Variants in PPFIBP1 observed in about 807,000 individuals in gnomAD.
The protein encoded by PPFIBP1 is liprin-beta-1.
A neutral mutation model predicts 137.8 loss-of-function variants in PPFIBP1; 112 were observed. The ratio of observed to expected loss-of-function variants is 0.81; its 90% CI spans 0.70 to 0.95. PPFIBP1 has a LOEUF of 0.95. PPFIBP1 is among the 40% of genes least tolerant of loss of function. The pLI is 0.00. For missense variants in PPFIBP1, 1,083 were observed against 1,196.6 expected, an observed-to-expected ratio of 0.91 and a Z score of 1.40; for synonymous variants, 378 against 417.3, an observed-to-expected ratio of 0.91 and a Z score of 1.15.
At chr12:27,558,638 C>T (rs997911660) in intron 1 of PPFIBP1, among the ~76,000 whole-genome samples, 7 of 151,932 alleles carry the variant, frequency 4.6e-5, no homozygotes, top group African/African-American at 7.3e-5. Flanking sequence ...CATACACACA[C>T]GCTGCCTAGA....
chr12:27,692,356 C>T (rs866022243), intron 28 of PPFIBP1, among the ~76,000 whole-genome samples: 14 of 152,300 alleles, frequency 9.2e-5, no homozygotes, highest in Middle Eastern at 3.4e-3. Flanking sequence ...CTCTAATCAA[C>T]AATGCTTTGC....
intron 9 of PPFIBP1, among the ~76,000 whole-genome samples, chr12:27,657,393 A>C (rs1220662133): frequency 6.6e-6 from 1 of 151,870 alleles, no homozygotes; most frequent in South Asian, 2.1e-4. Flanking sequence ...TATAATGTGC[A>C]TAATATCTGA....
intron 2 of PPFIBP1, among the ~76,000 whole-genome samples, chr12:27,628,719 C>A (rs1036536044): frequency 2.0e-5 from 3 of 152,084 alleles, no homozygotes; most frequent in African/African-American, 7.2e-5. Flanking sequence ...TTATTTAGTT[C>A]TTTTTTAAAG....
In PPFIBP1 at chr12:27,603,974, G is replaced by A. The variant is rs573259661; in HGVS notation, c.-36+25735G>A. Among the ~76,000 whole-genome samples the A allele has an allele frequency of 3.3e-5, 5 of 152,288 alleles. No homozygotes were observed. In the East Asian group the frequency reaches 9.6e-4, roughly 29 times the overall value. ...TACTTACATCAGAGGAAACAAGAAAGTACAGATCAAAGAGCAGAGTTGGCA... is the reference window on the plus strand; with the variant it reads ...TACTTACATCAGAGGAAACAAGAAAATACAGATCAAAGAGCAGAGTTGGCA... On this transcript the variant is annotated intron_variant, in intron 2 of 29. Coordinates refer to ENST00000228425, the MANE Select transcript of PPFIBP1 (RefSeq NM_003622.4).
chr12:27,551,579 A>T (rs907013348), intron 1 of PPFIBP1, among the ~76,000 whole-genome samples: 1 of 106,244 alleles, frequency 9.4e-6, no homozygotes, highest in African/African-American at 2.8e-5. Flanking sequence ...TTGATGTTCC[A>T]TTGTGTAATG....
At chr12:27,587,359 C>T (rs1454002382) in intron 2 of PPFIBP1, among the ~76,000 whole-genome samples, 1 of 152,016 alleles carries the variant, frequency 6.6e-6, no homozygotes, top group East Asian at 1.9e-4. Context: ...CAGTGGCTCA[C>T]GTCTGTAATC....
intron 1 of PPFIBP1, among the ~76,000 whole-genome samples, chr12:27,563,174 G>T (rs1349694390): frequency 6.8e-6 from 1 of 146,980 alleles, no homozygotes; most frequent in East Asian, 2.1e-4. Context: ...AGGTGTGGTG[G>T]CTCACACCTT....
rs73294067 is a variant in PPFIBP1, at chr12:27,646,075, T to C, written c.284T>C (p.Leu95Pro). 7 of 1,607,970 alleles carry C rather than the reference T, an allele frequency of 4.4e-6. No individual in the cohort carries two copies. Among genetic ancestry groups the C allele is most frequent in the Non-Finnish European group, 6.0e-6 (7 of 1,175,442 alleles). Reference sequence around the variant, plus strand: ...TTCCTTTTTCAGACAAATGGACACCTACCAGGGAACGGAGATGTGTATCAA... The same window carrying C: ...TTCCTTTTTCAGACAAATGGACACCCACCAGGGAACGGAGATGTGTATCAA... ...WLQSQMTNGH[L>P]PGNGDVYQER... Residue 95 changes from leucine to proline, a missense_variant, in exon 5 of 30, where the codon CTA becomes CCA. Leu to Pro is a moderately conservative substitution (Grantham distance 98). Coordinates refer to ENST00000228425, the MANE Select transcript of PPFIBP1 (RefSeq NM_003622.4).
chr12:27,547,309 A>G (rs1245254862), intron 1 of PPFIBP1: 1 of 152,100 alleles, frequency 6.6e-6, no homozygotes, highest in Non-Finnish European at 1.5e-5. Context: ...CCTGTGCATT[A>G]ACTCCTGTCC....
At chr12:27,643,463 G>A (rs1315015381) in intron 4 of PPFIBP1, among the ~76,000 whole-genome samples, 1 of 134,214 alleles carries the variant, frequency 7.5e-6, no homozygotes, top group Non-Finnish European at 1.6e-5. Context: ...AGATACTGTC[G>A]CTGGCATATA....
At chr12:27,670,794 A>T (rs5020612) in intron 13 of PPFIBP1, among the ~76,000 whole-genome samples, 137,850 of 139,522 alleles carry the variant, frequency 0.99, 68,098 homozygotes, top group East Asian at 1. Flanking sequence ...AAAAAAAAAA[A>T]AATAATAATA....
chr12:27,647,807 G>C lies in PPFIBP1; in HGVS notation c.436G>C (p.Glu146Gln). 6.2e-7 allele frequency: 1 copy of C among 1,612,542 alleles called. No individual in the cohort carries two copies. ...DLEFCLEEHR[E>Q]KVNATEEMLQ... ...GGAGTTTTGTCTTGAAGAGCACAGA[G>C]AGAAGGTGAATGCCACAGAAGAAAT... is the stretch of plus-strand genomic sequence containing the variant. The change falls in exon 6 of 30, where the codon GAG becomes CAG. Residue 146 changes from glutamate to glutamine, a missense_variant. By Grantham distance (29) the Glu-to-Gln change is conservative (BLOSUM62 2). Coordinates refer to ENST00000228425, the MANE Select transcript of PPFIBP1 (RefSeq NM_003622.4).
At chr12:27,666,355 A>G (rs2059854743) in intron 12 of PPFIBP1, among the ~76,000 whole-genome samples, 1 of 152,254 alleles carries the variant, frequency 6.6e-6, no homozygotes, top group Non-Finnish European at 1.5e-5. Context: ...ATACAATTCT[A>G]ATAACACTAA....
intron 9 of PPFIBP1, 166 bp downstream of exon 9, chr12:27,656,896 C>T (rs1311262396): frequency 5.7e-6 from 3 of 530,130 alleles, no homozygotes; most frequent in African/African-American, 1.9e-5. Flanking sequence ...TTTACTGTGA[C>T]TGGGAATCCA....
chr12:27,530,257 G>A (rs796450432), intron 1 of PPFIBP1, among the ~76,000 whole-genome samples: 40 of 152,290 alleles, frequency 2.6e-4, no homozygotes, highest in African/African-American at 9.1e-4. Flanking sequence ...TGGAAGAGTC[G>A]AATGAACCTG....
At chr12:27,653,519 G>A (rs1165727070) in intron 7 of PPFIBP1, among the ~76,000 whole-genome samples, 4 of 150,900 alleles carry the variant, frequency 2.7e-5, no homozygotes, top group East Asian at 1.9e-4. Flanking sequence ...CCCTGGAGGC[G>A]AAGGTCGCGG....
At chr12:27,662,856 C>A (rs1337245853) in intron 11 of PPFIBP1, among the ~76,000 whole-genome samples, 12 of 152,196 alleles carry the variant, frequency 7.9e-5, no homozygotes, top group Non-Finnish European at 1.6e-4. Flanking sequence ...AGGAGAAATG[C>A]AGAGTTGTAG....
At chr12:27,568,644 C>G (rs1446892858) in intron 1 of PPFIBP1, among the ~76,000 whole-genome samples, 1 of 152,206 alleles carries the variant, frequency 6.6e-6, no homozygotes, top group Non-Finnish European at 1.5e-5. Flanking sequence ...TCCTTCCAGC[C>G]TCTCCCAGAC....
chr12:27,614,892 G>A (rs1189590262), intron 2 of PPFIBP1, among the ~76,000 whole-genome samples: 1 of 152,198 alleles, frequency 6.6e-6, no homozygotes. Context: ...ATTAATTAAT[G>A]AAACAGAAAA....
Sources: allele counts gnomAD v4.1 joint callset (sites outside exome capture counted in the v4.1 genomes callset), GRCh38; gene constraint gnomAD v4.1.1; transcripts MANE v1.5; gene names NCBI Gene and HGNC (gene_info 2026-07-23, HGNC 2026-07-21).